Variants in PTPRK observed in about 807,000 individuals in gnomAD.
The protein encoded by PTPRK is protein tyrosine phosphatase receptor type K, also known as receptor-type tyrosine-protein phosphatase kappa.
Under a neutral mutation model 178.0 loss-of-function variants are expected in PTPRK, and 75 were observed. The observed-to-expected ratio is 0.42, with a 90% CI of 0.35 to 0.51. The LOEUF is 0.51. Ranked by LOEUF, PTPRK falls within the 20% of genes least tolerant of loss-of-function variation. The pLI is 0.02. For missense variants in PTPRK, 1,441 were observed against 1,797.8 expected, an observed-to-expected ratio of 0.80 and a Z score of 3.59; for synonymous variants, 637 against 620.6, an observed-to-expected ratio of 1.03 and a Z score of -0.39.
At chr6:128,180,414 C>A (rs1801728079) in intron 7 of PTPRK, among the ~76,000 whole-genome samples, 1 of 151,816 alleles carries the variant, frequency 6.6e-6, no homozygotes, top group Non-Finnish European at 1.5e-5. Context: ...ATTATGTGAA[C>A]AATAGCATGG....
At chr6:128,292,970 T>A (rs1013488903) in intron 3 of PTPRK, among the ~76,000 whole-genome samples, 3 of 151,808 alleles carry the variant, frequency 2.0e-5, no homozygotes, top group Admixed American at 6.6e-5. Flanking sequence ...AATAGCCAAA[T>A]AGTGAAATGG....
intron 6 of PTPRK, among the ~76,000 whole-genome samples, chr6:128,201,004 C>T (rs950287587): frequency 6.6e-6 from 1 of 151,486 alleles, no homozygotes; most frequent in African/African-American, 2.4e-5. Flanking sequence ...AAGATCCTAC[C>T]TTACTGAGCC....
At chr6:128,432,833 G>T (rs1891147) in intron 1 of PTPRK, among the ~76,000 whole-genome samples, 2 of 150,116 alleles carry the variant, frequency 1.3e-5, no homozygotes, top group East Asian at 2.0e-4. Context: ...ATTTTTATTC[G>T]GTATTTTCAT....
chr6:128,215,011 G>A (rs1808993626), intron 6 of PTPRK, among the ~76,000 whole-genome samples: 1 of 152,092 alleles, frequency 6.6e-6, no homozygotes, highest in South Asian at 2.1e-4. Context: ...TGTGTCCAGA[G>A]CATTTTGATA....
chr6:128,139,899 T>C (rs1009582306), intron 7 of PTPRK, among the ~76,000 whole-genome samples: 1 of 150,004 alleles, frequency 6.7e-6, no homozygotes, highest in Non-Finnish European at 1.5e-5. Context: ...TTTTTTTTAA[T>C]CCAAATCACT....
chr6:127,982,341 C>T (rs911404627), intron 24 of PTPRK, among the ~76,000 whole-genome samples: 1 of 152,060 alleles, frequency 6.6e-6, no homozygotes, highest in Non-Finnish European at 1.5e-5. Context: ...GGTGCAATCT[C>T]GGCTCACTGC....
chr6:128,151,550 A>T (rs920279383), intron 7 of PTPRK, among the ~76,000 whole-genome samples: 2 of 151,980 alleles, frequency 1.3e-5, no homozygotes, highest in Non-Finnish European at 2.9e-5. Context: ...TGCAGATCAG[A>T]TAGTTATTTA....
chr6:128,371,057 G>A (rs1836204641), intron 2 of PTPRK, among the ~76,000 whole-genome samples: 1 of 152,068 alleles, frequency 6.6e-6, no homozygotes, highest in Admixed American at 6.6e-5. Context: ...ACAACTCAGT[G>A]AAATGAAACT....
intron 7 of PTPRK, among the ~76,000 whole-genome samples, chr6:128,104,384 G>A (rs1789321850): frequency 1.3e-5 from 2 of 152,014 alleles, no homozygotes; most frequent in Non-Finnish European, 2.9e-5. Context: ...TGGCCACTAC[G>A]CCGGGCTTTT....
intron 3 of PTPRK, among the ~76,000 whole-genome samples, chr6:128,252,358 C>A (rs899190035): frequency 1.3e-5 from 2 of 152,134 alleles, no homozygotes; most frequent in African/African-American, 4.8e-5. Flanking sequence ...TAAATTAATT[C>A]TGCATTCCTG....
chr6:128,423,687 G>T (rs910705811), intron 1 of PTPRK, among the ~76,000 whole-genome samples: 1 of 151,932 alleles, frequency 6.6e-6, no homozygotes, highest in African/African-American at 2.4e-5. Context: ...ACTTAGCCAG[G>T]AGGGGTGGTA....
At chr6:128,295,604 G>C (rs567291540) in intron 3 of PTPRK, among the ~76,000 whole-genome samples, 64 of 152,168 alleles carry the variant, frequency 4.2e-4, no homozygotes, top group African/African-American at 1.3e-3. Flanking sequence ...ATACAAATCT[G>C]ATCACAGTTG....
At chr6:128,394,275 C>T (rs192780166) in intron 2 of PTPRK, among the ~76,000 whole-genome samples, 289 of 152,278 alleles carry the variant, frequency 1.9e-3, no homozygotes, top group Non-Finnish European at 3.4e-3. Context: ...GCACTGCTGA[C>T]AGACATTTGG....
intron 2 of PTPRK, among the ~76,000 whole-genome samples, chr6:128,356,271 C>T (rs189700965): frequency 2.6e-5 from 4 of 152,248 alleles, no homozygotes; most frequent in African/African-American, 9.6e-5. Flanking sequence ...GCAACAACAA[C>T]AATTCAAGTC....
chr6:128,103,818 T>C lies in PTPRK; in HGVS notation c.1163-13826A>G, dbSNP rs549314581. On this transcript the variant is annotated intron_variant, in intron 7 of 29. Transcript: ENST00000368226. ...TATCAAATGAACCCTGCTTCCTCTTTGACCTGTCTTCCCACAGTTTGTTAC... is the reference window on the plus strand; with the variant it reads ...TATCAAATGAACCCTGCTTCCTCTTCGACCTGTCTTCCCACAGTTTGTTAC... 3.9e-5 allele frequency among the ~76,000 whole-genome samples: 6 copies of C among 152,312 alleles called. No individual in the cohort carries two copies. In the East Asian group the frequency reaches 9.7e-4, roughly 25 times the overall value.
chr6:128,426,195 G>C (rs796837970), intron 1 of PTPRK, among the ~76,000 whole-genome samples: 27 of 152,198 alleles, frequency 1.8e-4, no homozygotes, highest in African/African-American at 6.3e-4. Context: ...GCACATTCAA[G>C]TCACTTTGTT....
At chr6:128,140,395 C>T (rs1379186115) in intron 7 of PTPRK, among the ~76,000 whole-genome samples, 1 of 151,804 alleles carries the variant, frequency 6.6e-6, no homozygotes. Context: ...TCAAGGAATG[C>T]TTTTTAGTAG....
At chr6:128,053,091 C>T (rs1361137809) in intron 13 of PTPRK, among the ~76,000 whole-genome samples, 4 of 151,648 alleles carry the variant, frequency 2.6e-5, no homozygotes, top group African/African-American at 9.7e-5. Context: ...GGATATTAGG[C>T]ATATTTTCCA....
rs1011841678 is a variant in PTPRK, at chr6:128,079,648, C to T, written c.1778-730G>A. Among the ~76,000 whole-genome samples, 10 of 151,960 alleles carry T rather than the reference C, an allele frequency of 6.6e-5. No homozygotes were observed. The East Asian group carries it at 1.7e-3, about 26-fold the overall frequency. On this transcript the variant is annotated intron_variant, in intron 10 of 29. Transcript: ENST00000368226. ...GAGTATATACTCAATGAAATGTGTG[C>T]ATTATCTCTATCCATTCGTTGAACA...
Sources: gnomAD v4.1 joint callset for allele counts (sites outside exome capture counted in the v4.1 genomes callset) on GRCh38, gnomAD v4.1.1 for gene constraint, MANE v1.5 for transcripts, NCBI Gene and HGNC (gene_info 2026-07-23, HGNC 2026-07-21) for gene names.